Variants in FCHO1 observed in about 807,000 individuals in gnomAD.
FCHO1 encodes the protein FCH and mu domain containing endocytic adaptor 1.
A neutral mutation model predicts 114.4 loss-of-function variants in FCHO1; 45 were observed. That is an observed-to-expected ratio of 0.39 (90% confidence interval 0.31 to 0.50). The LOEUF (loss-of-function observed/expected upper bound fraction) is 0.50, where lower values mean the gene tolerates loss of function less well. Among genes scored for constraint, FCHO1 ranks in the 20% least tolerant of loss-of-function variants. The probability of loss-of-function intolerance (pLI) is 0.77; values close to 1 mark genes in which losing one functional copy is unlikely to be tolerated. For synonymous variants in FCHO1, 480 were observed against 488.9 expected (o/e 0.98, Z 0.24); for missense variants, 1,042 against 1,209.6 (o/e 0.86, Z 2.06).
chr19:17,775,937 G>A lies in FCHO1; in HGVS notation c.1004-46G>A. 6.3e-7 allele frequency: 1 copy of A among 1,589,802 alleles called. No individual in the cohort carries two copies. Among genetic ancestry groups the A allele is most frequent in the Non-Finnish European group, 8.5e-7 (1 of 1,171,244 alleles). ...GAGGCTGGATTGGAGAGCTGACTGG[G>A]GGAAAGCTTGTGTTGGGATTGGCTT... is the stretch of plus-strand genomic sequence containing the variant. On this transcript the variant is annotated intron_variant, in intron 15 of 28. Coordinates refer to ENST00000596536, the MANE Select transcript of FCHO1 (RefSeq NM_015122.3). The surrounding 1 kb of genome is among the most constrained non-coding windows in gnomAD (Gnocchi z 5.1).
At chr19:17,754,923 T>A in intron 3 of FCHO1, 195 bp from the exon 4 acceptor site, 1 of 543,002 alleles carries the variant, frequency 1.8e-6, no homozygotes, top group Non-Finnish European at 3.3e-6. Flanking sequence ...TGTGTCTTGT[T>A]CTGTCCCCCT....
chr19:17,787,443 C>A (rs973667843), intron 27 of FCHO1, among the ~76,000 whole-genome samples: 1 of 150,218 alleles, frequency 6.7e-6, no homozygotes, highest in Non-Finnish European at 1.5e-5. Context: ...AAGGAGAGGG[C>A]GTCCCAGGGC....
At position 17,776,381 on chromosome 19, in the gene FCHO1, C is replaced by T; in HGVS notation, c.1207+110C>T. ...TAACTTTGGGCAGGCTGCTTAACCA[C>T]ACTGACCTTCAGTCTCCTTTTCTGT... On this transcript the variant is annotated intron_variant, in intron 17 of 28. Transcript: ENST00000596536. The surrounding 1 kb of genome is among the most constrained non-coding windows in gnomAD (Gnocchi z 4.4). 1 of 1,353,978 alleles carries T rather than the reference C, an allele frequency of 7.4e-7. No individual in the cohort carries two copies. Among genetic ancestry groups the T allele is most frequent in the Non-Finnish European group, 1.1e-6 (1 of 943,972 alleles). 83.9% of individuals were successfully genotyped at this position (1,353,978 alleles called of 1,614,324 possible).
At chr19:17,787,902 A>G in intron 28 of FCHO1, 56 bp downstream of exon 28, 1 of 1,565,266 alleles carries the variant, frequency 6.4e-7, no homozygotes, top group Non-Finnish European at 8.7e-7. Context: ...TACAGGGGCA[A>G]GCCCCGGGGT....
intron 1 of FCHO1, among the ~76,000 whole-genome samples, chr19:17,753,205 A>G (rs2082435555): frequency 6.6e-6 from 1 of 152,192 alleles, no homozygotes; most frequent in Non-Finnish European, 1.5e-5. Context: ...AATGATATGG[A>G]AATTTAGGGC....
intron 23 of FCHO1, 95 bp downstream of exon 23, chr19:17,781,915 A>G (rs2093448691): frequency 1.2e-6 from 1 of 808,600 alleles, no homozygotes; most frequent in African/African-American, 1.8e-5. Flanking sequence ...TCTGTCTTAT[A>G]GTGAAAGGGC....
rs979700205 is a variant in FCHO1 at position 17,778,619 on chromosome 19, C to G, written c.1362C>G (p.Ser454Arg). The change falls in exon 20 of 29, where the codon AGC (serine) becomes AGG (arginine). Residue 454 changes from serine to arginine, a missense_variant. Around this residue, in one of 3 missense-constraint regions of FCHO1, gnomAD observed 455 missense variants for 455.4 expected, o/e 1.00. Transcript: ENST00000596536. ...GCTTCCCTCCCCAAGGCTCTAGCAGCCTGGGCTTCACCTCCAGCCCCTCCC... is the reference window on the plus strand; with the variant it reads ...GCTTCCCTCCCCAAGGCTCTAGCAGGCTGGGCTTCACCTCCAGCCCCTCCC... Reference protein sequence around the residue: ...FDHEDFTGSSSLGFTSSPSPF... With the variant: ...FDHEDFTGSSRLGFTSSPSPF... 1.2e-5 allele frequency: 19 copies of G among 1,565,792 alleles called. No homozygotes were observed. Among genetic ancestry groups the G allele is most frequent in the Non-Finnish European group, 1.5e-5 (17 of 1,157,480 alleles).
In FCHO1 at chr19:17,770,453, A is replaced by G; in HGVS notation, c.365A>G (p.Asp122Gly). The G allele has an allele frequency of 6.2e-7, 1 of 1,613,600 alleles. No individual in the cohort carries two copies. The highest frequency in any genetic ancestry group is 8.5e-7 in the Non-Finnish European group (1 of 1,179,810). ...KCKEEVVSTL[D>G]AVQVLSGVSQ... ...AAGGAGGAAGTGGTGAGCACCTTGG[A>G]TGCTGTGCAGGTACTCTCGGGCGTC... The change falls in exon 8 of 29, where the codon GAT becomes GGT. Residue 122 changes from aspartate to glycine, a missense_variant. Asp to Gly is a moderately conservative substitution (Grantham distance 94). Coordinates refer to ENST00000596536, the MANE Select transcript of FCHO1 (RefSeq NM_015122.3).
chr19:17,759,108 A>G (rs1368585393), intron 4 of FCHO1, among the ~76,000 whole-genome samples: 1 of 151,524 alleles, frequency 6.6e-6, no homozygotes, highest in Non-Finnish European at 1.5e-5. Flanking sequence ...GGCTTCACTG[A>G]TGTGTGTTGG....
At chr19:17,781,080 G>C (rs942953257) in intron 20 of FCHO1, 151 bp from the exon 21 acceptor site, 43 of 618,358 alleles carry the variant, frequency 7.0e-5, no homozygotes, top group Non-Finnish European at 1.1e-5. Context: ...GTCCTGTCTG[G>C]CACCTTTTCT....
At chr19:17,764,516 C>A in intron 6 of FCHO1, 67 bp downstream of exon 6, 1 of 1,317,558 alleles carries the variant, frequency 7.6e-7, no homozygotes, top group Non-Finnish European at 1.1e-6. Flanking sequence ...CATCTCTTCA[C>A]ACTCGGTGCA....
At chr19:17,786,055 C>T (rs1030168721) in intron 26 of FCHO1, among the ~76,000 whole-genome samples, 1 of 152,050 alleles carries the variant, frequency 6.6e-6, no homozygotes, top group African/African-American at 2.4e-5. Flanking sequence ...GCAAGGAAGC[C>T]GGGCATGGTG....
chr19:17,788,198 G>T, intron 28 of FCHO1, 86 bp from the exon 29 acceptor site: 2 of 986,074 alleles, frequency 2.0e-6, no homozygotes. Flanking sequence ...GGACAAGGAT[G>T]ATTGAAGCAT....
rs756680680 is a variant in FCHO1, at chr19:17,772,772, T to G, written c.790+31T>G. 12 of 1,548,050 alleles carry G rather than the reference T, an allele frequency of 7.8e-6. No homozygotes were observed. In the Admixed American group the frequency reaches 1.8e-4, roughly 24 times the overall value. On this transcript the variant is annotated intron_variant, in intron 11 of 28. Transcript: ENST00000596536. ...TCAGGGCAGCCATTGGGGGTCGGGC[T>G]TCGGGGCCACAGCTGCAGACAGGCA...
intron 19 of FCHO1, 121 bp downstream of exon 19, chr19:17,778,349 T>G: frequency 1.1e-6 from 1 of 899,484 alleles, no homozygotes; most frequent in Non-Finnish European, 1.8e-6. Flanking sequence ...CTAGTCCGTG[T>G]AGGGGTGGGC....
At chr19:17,759,789 C>G (rs1402650260) in intron 4 of FCHO1, among the ~76,000 whole-genome samples, 1 of 150,642 alleles carries the variant, frequency 6.6e-6, no homozygotes, top group African/African-American at 2.4e-5. Context: ...AAAAATCAGC[C>G]AGGTGTGGTG....
At chr19:17,785,750 C>T (rs1208839017) in intron 26 of FCHO1, among the ~76,000 whole-genome samples, 8 of 149,570 alleles carry the variant, frequency 5.3e-5, no homozygotes, top group Admixed American at 4.7e-4. Context: ...GGGAGAATGG[C>T]GTGAACCCGG....
At chr19:17,764,826 G>C (rs2146677549) in intron 6 of FCHO1, among the ~76,000 whole-genome samples, 1 of 152,242 alleles carries the variant, frequency 6.6e-6, no homozygotes, top group South Asian at 2.1e-4. Flanking sequence ...AGCACTTTGG[G>C]AGGCTGAAGT....
intron 1 of FCHO1, among the ~76,000 whole-genome samples, chr19:17,752,918 A>G (rs2082351350): frequency 1.3e-5 from 2 of 151,894 alleles, no homozygotes; most frequent in Admixed American, 6.6e-5. Context: ...AAATAAAAAA[A>G]TAAAAAAAAC....
Sources: allele counts gnomAD v4.1 joint callset (sites outside exome capture counted in the v4.1 genomes callset), GRCh38; gene constraint gnomAD v4.1.1; regional missense constraint gnomAD v4.1.1; non-coding constraint Gnocchi (gnomAD v3.1); transcripts MANE v1.5; gene names NCBI Gene and HGNC (gene_info 2026-07-23, HGNC 2026-07-21).